Variants in CADPS2 observed in about 807,000 individuals in gnomAD.
CADPS2 encodes the protein calcium dependent secretion activator 2.
Under a neutral mutation model 172.5 loss-of-function variants are expected in CADPS2, and 93 were observed. That is an observed-to-expected ratio of 0.54 (90% CI 0.46 to 0.64). The LOEUF (loss-of-function observed/expected upper bound fraction) is 0.64. Among genes scored for constraint, CADPS2 ranks in the 30% least tolerant of loss-of-function variants. The probability of loss-of-function intolerance (pLI) is 0.00; values close to 1 mark genes in which losing one functional copy is unlikely to be tolerated. For missense variants in CADPS2, 1,420 were observed against 1,565.9 expected (o/e 0.91, Z 1.57); for synonymous variants, 546 against 555.2 (o/e 0.98, Z 0.23).
At chr7:122,561,914 T>A (rs73433764) in intron 7 of CADPS2, among the ~76,000 whole-genome samples, 1 of 152,116 alleles carries the variant, frequency 6.6e-6, no homozygotes, top group Non-Finnish European at 1.5e-5. Context: ...GAAAGATGGA[T>A]GGATGAATGA....
chr7:122,739,567 T>C (rs2092364006), intron 1 of CADPS2, among the ~76,000 whole-genome samples: 1 of 152,268 alleles, frequency 6.6e-6, no homozygotes, highest in East Asian at 1.9e-4. Flanking sequence ...GTTCACAAAA[T>C]AAGCCAGAGT....
intron 27 of CADPS2, among the ~76,000 whole-genome samples, chr7:122,359,141 G>A (rs1421863013): frequency 1.3e-5 from 2 of 152,036 alleles, no homozygotes; most frequent in African/African-American, 4.8e-5. Context: ...TAGAAAATAA[G>A]CGTTCCTCAG....
At position 122,820,556 on chromosome 7, in the gene CADPS2, G is replaced by GTT. The variant is rs551121404; in HGVS notation, c.339+65441_339+65442dup. Among the ~76,000 whole-genome samples the GTT allele has an allele frequency of 3.4e-3, 293 of 86,466 alleles. 3 individuals are homozygous for GTT. The highest frequency in any genetic ancestry group is 4.1e-3 in the Non-Finnish European group (182 of 44,462). 56.7% of individuals were successfully genotyped at this position (86,466 alleles called of 152,430 possible). A position where few individuals can be genotyped will look rare whatever the true frequency, so the allele number is the denominator to read the frequency against. ...TTGACCTTACTGTTTTTTGTTTTTT[G>GTT]TTTTTTTTTTTTTTTTTTTTTGAGA... On this transcript the variant is annotated intron_variant, in intron 1 of 29. Transcript: ENST00000449022.
chr7:122,686,017 G>A lies in CADPS2; in HGVS notation c.454-22448C>T, dbSNP rs531425282. 1.2e-3 allele frequency among the ~76,000 whole-genome samples: 187 copies of A among 152,148 alleles called. 1 individual carries two copies. Among genetic ancestry groups the A allele is most frequent in the African/African-American group, 4.1e-3 (171 of 41,504 alleles). ...TTTGTGAAGCTGGTTTTATGGACCC[G>A]AACCTAGAAATTTACATGACTCCCT... is the stretch of plus-strand genomic sequence containing the variant. On this transcript the variant is annotated intron_variant, in intron 2 of 29. Transcript: ENST00000449022.
intron 2 of CADPS2, among the ~76,000 whole-genome samples, chr7:122,675,751 T>C (rs1190695955): frequency 6.6e-6 from 1 of 151,914 alleles, no homozygotes; most frequent in African/African-American, 2.4e-5. Flanking sequence ...TTCTCACTCA[T>C]AAGTGGGAGC....
At chr7:122,508,597 T>C (rs535473612) in intron 9 of CADPS2, among the ~76,000 whole-genome samples, 3 of 151,714 alleles carry the variant, frequency 2.0e-5, no homozygotes, top group African/African-American at 4.8e-5. Context: ...CCCAACATGC[T>C]AGGATTACAG....
At chr7:122,712,232 C>A (rs114438830) in intron 2 of CADPS2, among the ~76,000 whole-genome samples, 1 of 151,976 alleles carries the variant, frequency 6.6e-6, no homozygotes, top group African/African-American at 2.4e-5. Flanking sequence ...TCGCTATGCT[C>A]CTTCATCTTC....
intron 2 of CADPS2, among the ~76,000 whole-genome samples, chr7:122,721,427 T>A (rs984627521): frequency 5.9e-5 from 9 of 152,044 alleles, no homozygotes; most frequent in Non-Finnish European, 1.3e-4. Context: ...GCAAATAAAC[T>A]AGAAAATCTA....
intron 3 of CADPS2, among the ~76,000 whole-genome samples, chr7:122,642,657 G>T (rs2077799549): frequency 6.7e-6 from 1 of 149,080 alleles, no homozygotes; most frequent in African/African-American, 2.5e-5. Flanking sequence ...AAAGAAAAAA[G>T]ATCTTTTAAA....
Position 122,629,244 on chromosome 7 carries a change from T to C in CADPS2, c.867+4A>G, listed in dbSNP as rs1242333313. 1 of 1,606,076 alleles carries C rather than the reference T, an allele frequency of 6.2e-7. No individual in the cohort carries two copies. Among genetic ancestry groups the C allele is most frequent in the Non-Finnish European group, 8.5e-7 (1 of 1,175,636 alleles). On this transcript the variant is annotated splice_donor_region_variant and intron_variant, in intron 4 of 29. Coordinates refer to ENST00000449022, the MANE Select transcript of CADPS2 (RefSeq NM_017954.11). ...CATACAGTATGTCCAAGTTAATAAT[T>C]TACCTTTGCCATTTTATCTGCCAAT...
At chr7:122,605,295 T>C (rs1298639116) in intron 6 of CADPS2, among the ~76,000 whole-genome samples, 1 of 152,034 alleles carries the variant, frequency 6.6e-6, no homozygotes, top group Non-Finnish European at 1.5e-5. Context: ...TAGGCTACAC[T>C]GAACTAGTAA....
At chr7:122,818,403 G>A (rs575092159) in intron 1 of CADPS2, among the ~76,000 whole-genome samples, 13 of 152,106 alleles carry the variant, frequency 8.5e-5, no homozygotes, top group South Asian at 4.1e-4. Flanking sequence ...ATAGGCAAAC[G>A]GTCTGAGGTG....
rs190532768 is a variant in CADPS2, at chr7:122,693,013, C to A, written c.454-29444G>T. 2.6e-5 allele frequency among the ~76,000 whole-genome samples: 4 copies of A among 152,326 alleles called. No individual in the cohort carries two copies. In the East Asian group the frequency reaches 7.7e-4, roughly 30 times the overall value. On this transcript the variant is annotated intron_variant, in intron 2 of 29. Transcript: ENST00000449022. ...GATAAATCTTCCCATGTTATGGCCACATGGCTGTGATAACAGGTGGAGTTA... is the reference window on the plus strand; with the variant it reads ...GATAAATCTTCCCATGTTATGGCCAAATGGCTGTGATAACAGGTGGAGTTA...
intron 1 of CADPS2, among the ~76,000 whole-genome samples, chr7:122,779,226 A>G (rs772629614): frequency 3.3e-5 from 5 of 152,184 alleles, no homozygotes; most frequent in Non-Finnish European, 7.3e-5. Flanking sequence ...CTAATACACC[A>G]ACCAACCACA....
intron 3 of CADPS2, among the ~76,000 whole-genome samples, chr7:122,639,153 A>C (rs1299262224): frequency 1.3e-5 from 2 of 152,238 alleles, no homozygotes; most frequent in Non-Finnish European, 2.9e-5. Flanking sequence ...TTCAACCAGT[A>C]ATCCTCATTT....
chr7:122,413,355 C>T (rs759465773), intron 19 of CADPS2, among the ~76,000 whole-genome samples: 8 of 152,128 alleles, frequency 5.3e-5, no homozygotes, highest in Non-Finnish European at 1.2e-4. Flanking sequence ...CACAGGAATT[C>T]TGCAGAAAAG....
chr7:122,735,497 G>C (rs2092087078), intron 2 of CADPS2, among the ~76,000 whole-genome samples: 1 of 152,022 alleles, frequency 6.6e-6, no homozygotes, highest in Non-Finnish European at 1.5e-5. Flanking sequence ...CAGCTTGTGT[G>C]CCTTTTTTTC....
At chr7:122,364,625 A>G (rs753152920) in intron 25 of CADPS2, among the ~76,000 whole-genome samples, 2 of 150,776 alleles carry the variant, frequency 1.3e-5, no homozygotes, top group Non-Finnish European at 3.0e-5. Flanking sequence ...TACTCAGGAG[A>G]CTGAGGCAGG....
At chr7:122,778,616 CCT>C (rs1404319322) in intron 1 of CADPS2, among the ~76,000 whole-genome samples, 3 of 152,154 alleles carry the variant, frequency 2.0e-5, no homozygotes, top group Non-Finnish European at 4.4e-5. Context: ...GACTTGGTGC[CCT>C]GTGTCCCAGC....
Sources: gnomAD v4.1 joint callset for allele counts (sites outside exome capture counted in the v4.1 genomes callset) on GRCh38, gnomAD v4.1.1 for gene constraint, MANE v1.5 for transcripts, NCBI Gene and HGNC (gene_info 2026-07-23, HGNC 2026-07-21) for gene names.